Variants in RAD51B observed in about 807,000 individuals in gnomAD.
RAD51B encodes the protein DNA repair protein RAD51 homolog 2.
A neutral mutation model predicts 42.2 loss-of-function variants in RAD51B; 38 were observed. The observed-to-expected ratio is 0.90, with a 90% CI of 0.70 to 1.18. The LOEUF (loss-of-function observed/expected upper bound fraction) is 1.18. RAD51B is among the 50% of genes most tolerant of loss of function. RAD51B has a pLI of 0.00. For missense variants in RAD51B, 373 were observed against 400.7 expected (o/e 0.93, Z 0.59); for synonymous variants, 154 against 145.2 (o/e 1.06, Z -0.43).
chr14:68,515,897 T>A (rs1317491290), intron 10 of RAD51B, among the ~76,000 whole-genome samples: 1 of 151,390 alleles, frequency 6.6e-6, no homozygotes, highest in East Asian at 1.9e-4. Context: ...GCCATTCTCC[T>A]GCCTCAGCCT....
intron 7 of RAD51B, among the ~76,000 whole-genome samples, chr14:68,116,663 A>G (rs186126908): frequency 6.6e-6 from 1 of 152,278 alleles, no homozygotes; most frequent in East Asian, 1.9e-4. Context: ...GTAATTTCGC[A>G]GTGTAAATGC....
intron 7 of RAD51B, among the ~76,000 whole-genome samples, chr14:67,915,601 C>G (rs906401097): frequency 2.6e-5 from 4 of 152,168 alleles, no homozygotes; most frequent in Admixed American, 6.5e-5. Context: ...GCCTGCTAGA[C>G]CTACTGCCCT....
At chr14:68,437,532 A>G (rs1049040707) in intron 9 of RAD51B, among the ~76,000 whole-genome samples, 1 of 152,010 alleles carries the variant, frequency 6.6e-6, no homozygotes, top group Admixed American at 6.6e-5. Context: ...TAACTCTTCT[A>G]TTTTTATCTA....
chr14:68,534,934 A>G (rs978702783), intron 10 of RAD51B, among the ~76,000 whole-genome samples: 1 of 152,066 alleles, frequency 6.6e-6, no homozygotes, highest in Non-Finnish European at 1.5e-5. Flanking sequence ...TAAGTGCTTT[A>G]TATATATTAT....
At chr14:68,113,755 C>T (rs1435210532) in intron 7 of RAD51B, 1 of 152,066 alleles carries the variant, frequency 6.6e-6, no homozygotes, top group African/African-American at 2.4e-5. Context: ...GCCCTTATCA[C>T]AGTCACTGCA....
intron 9 of RAD51B, among the ~76,000 whole-genome samples, chr14:68,420,995 T>C (rs753703367): frequency 6.6e-5 from 10 of 152,228 alleles, no homozygotes; most frequent in Non-Finnish European, 1.5e-4. Flanking sequence ...TCTCTGACTT[T>C]CCTGAACGAT....
intron 7 of RAD51B, among the ~76,000 whole-genome samples, chr14:67,950,917 A>G (rs895492641): frequency 2.0e-5 from 3 of 152,210 alleles, no homozygotes; most frequent in Non-Finnish European, 4.4e-5. Flanking sequence ...AGGCAGCAAG[A>G]CAGGAGAATG....
Position 68,004,353 on chromosome 14 carries a change from A to AAAT in RAD51B, c.756+117151_756+117152insTAA, listed in dbSNP as rs1555339649. On this transcript the variant is annotated intron_variant, in intron 7 of 10. Coordinates refer to ENST00000471583, the MANE Select transcript of RAD51B (RefSeq NM_133510.4). ...GTCTCAAAAAAAAAAAAAAAAAAAA[A>AAAT]AAGAATATATTGGTGGATTTTTTTG... Among the ~76,000 whole-genome samples, 73 of 146,734 alleles carry AAAT rather than the reference A, an allele frequency of 5.0e-4. 1 individual carries two copies. The highest frequency in any genetic ancestry group is 1.7e-3 in the African/African-American group (65 of 38,478).
chr14:68,499,279 C>T (rs1884757218), intron 10 of RAD51B, among the ~76,000 whole-genome samples: 1 of 152,194 alleles, frequency 6.6e-6, no homozygotes, highest in East Asian at 1.9e-4. Flanking sequence ...ATGTTTCTTA[C>T]TAAGCGGAAA....
At chr14:67,933,606 T>G (rs925883426) in intron 7 of RAD51B, among the ~76,000 whole-genome samples, 1 of 152,172 alleles carries the variant, frequency 6.6e-6, no homozygotes. Context: ...TCACTTACCC[T>G]TCCCTATGAT....
At chr14:68,265,368 G>A (rs112108483) in intron 7 of RAD51B, among the ~76,000 whole-genome samples, 31 of 152,282 alleles carry the variant, frequency 2.0e-4, no homozygotes, top group African/African-American at 7.2e-4. Flanking sequence ...GGGATCTAAG[G>A]CATACCAGGT....
intron 7 of RAD51B, among the ~76,000 whole-genome samples, chr14:67,963,874 A>G (rs913879820): frequency 2.0e-5 from 3 of 151,908 alleles, no homozygotes; most frequent in Non-Finnish European, 4.4e-5. Context: ...TTTAAAAAAA[A>G]TCGGTAACAG....
At chr14:68,397,904 C>T (rs904602390) in intron 8 of RAD51B, among the ~76,000 whole-genome samples, 1 of 152,208 alleles carries the variant, frequency 6.6e-6, no homozygotes, top group African/African-American at 2.4e-5. Flanking sequence ...CTTCTTCCCC[C>T]ACCCCCTTCT....
At chr14:68,103,990 G>A (rs767356336) in intron 7 of RAD51B, among the ~76,000 whole-genome samples, 7 of 152,082 alleles carry the variant, frequency 4.6e-5, no homozygotes, top group Non-Finnish European at 7.4e-5. Context: ...TTTGTTTCAG[G>A]GAATAGAACT....
At chr14:68,608,722 A>G (rs968973517) in intron 10 of RAD51B, among the ~76,000 whole-genome samples, 5 of 152,138 alleles carry the variant, frequency 3.3e-5, no homozygotes, top group African/African-American at 7.2e-5. Context: ...TTAAGTGAGC[A>G]TGAACAGAGC....
intron 10 of RAD51B, among the ~76,000 whole-genome samples, chr14:68,641,003 T>A (rs1892449102): frequency 6.6e-6 from 1 of 152,248 alleles, no homozygotes; most frequent in Non-Finnish European, 1.5e-5. Context: ...CTTTACCCTG[T>A]GGGCAACGAG....
intron 7 of RAD51B, among the ~76,000 whole-genome samples, chr14:68,208,298 T>G (rs1297426214): frequency 6.6e-6 from 1 of 152,166 alleles, no homozygotes; most frequent in Non-Finnish European, 1.5e-5. Flanking sequence ...TAATGGTAAT[T>G]AAGAAAGTTG....
chr14:68,239,470 C>T (rs1247083179), intron 7 of RAD51B, among the ~76,000 whole-genome samples: 1 of 152,164 alleles, frequency 6.6e-6, no homozygotes. Context: ...GCTCCAGCCT[C>T]AGCCTCTACT....
intron 10 of RAD51B, among the ~76,000 whole-genome samples, chr14:68,487,086 T>C (rs923883797): frequency 3.3e-5 from 5 of 152,168 alleles, no homozygotes; most frequent in Admixed American, 3.3e-4. Context: ...GGACAACAGT[T>C]CCTTGCTGTA....
Sources: gnomAD v4.1 joint callset for allele counts (sites outside exome capture counted in the v4.1 genomes callset) on GRCh38, gnomAD v4.1.1 for gene constraint, MANE v1.5 for transcripts, NCBI Gene and HGNC (gene_info 2026-07-23, HGNC 2026-07-21) for gene names.